Variants in HIBADH observed in about 807,000 individuals in gnomAD.
The protein encoded by HIBADH is 3-hydroxyisobutyrate dehydrogenase, also known as 3-hydroxyisobutyrate dehydrogenase, mitochondrial.
HIBADH carries 25 observed loss-of-function variants against 36.1 expected under a neutral mutation model. The observed-to-expected ratio is 0.69, with a 90% CI of 0.50 to 0.97. The LOEUF is 0.97. HIBADH is among the 50% of genes least tolerant of loss of function. HIBADH has a pLI of 0.00. For missense variants in HIBADH, 421 were observed against 418.0 expected, an observed-to-expected ratio of 1.01 and a Z score of -0.06; for synonymous variants, 160 against 149.5, an observed-to-expected ratio of 1.07 and a Z score of -0.51.
intron 4 of HIBADH, among the ~76,000 whole-genome samples, chr7:27,575,865 C>T (rs1010856142): frequency 4.6e-5 from 7 of 152,238 alleles, no homozygotes; most frequent in Non-Finnish European, 8.8e-5. Context: ...AGCCTGAAGA[C>T]AGCCATCTGC....
At chr7:27,538,861 C>G (rs1784106670) in intron 5 of HIBADH, among the ~76,000 whole-genome samples, 1 of 151,904 alleles carries the variant, frequency 6.6e-6, no homozygotes, top group African/African-American at 2.4e-5. Flanking sequence ...GGAAGTGGAA[C>G]CTGAAATCAT....
At chr7:27,542,217 A>C (rs903417692) in intron 5 of HIBADH, among the ~76,000 whole-genome samples, 8 of 150,452 alleles carry the variant, frequency 5.3e-5, no homozygotes, top group African/African-American at 2.0e-4. Flanking sequence ...ACAAATCTTC[A>C]AAAAAATTTT....
chr7:27,548,315 G>A (rs1481333936), intron 4 of HIBADH, among the ~76,000 whole-genome samples: 1 of 151,880 alleles, frequency 6.6e-6, no homozygotes, highest in Non-Finnish European at 1.5e-5. Flanking sequence ...TTCTTCAGTG[G>A]TCCTCAACCC....
At chr7:27,606,353 TC>T (rs1215751198) in intron 4 of HIBADH, among the ~76,000 whole-genome samples, 1 of 152,186 alleles carries the variant, frequency 6.6e-6, no homozygotes, top group Admixed American at 6.5e-5. Flanking sequence ...ACAGATCCCT[TC>T]CTGGGAAAAA....
intron 2 of HIBADH, among the ~76,000 whole-genome samples, chr7:27,635,801 C>A (rs1308012949): frequency 6.6e-6 from 1 of 152,194 alleles, no homozygotes; most frequent in East Asian, 1.9e-4. Context: ...CCAGACAGAT[C>A]TCCTGCTAAT....
chr7:27,623,426 T>C (rs1034421753), intron 4 of HIBADH, among the ~76,000 whole-genome samples: 2 of 152,044 alleles, frequency 1.3e-5, no homozygotes, highest in African/African-American at 4.8e-5. Context: ...GAGAAAGAAA[T>C]AAAAGTCATC....
intron 4 of HIBADH, among the ~76,000 whole-genome samples, chr7:27,594,627 C>T (rs1413316169): frequency 2.0e-5 from 3 of 152,172 alleles, no homozygotes; most frequent in Non-Finnish European, 4.4e-5. Flanking sequence ...AAATGATTTT[C>T]ATGTCTCTTT....
intron 1 of HIBADH, among the ~76,000 whole-genome samples, chr7:27,655,072 A>G (rs1786272980): frequency 6.6e-6 from 1 of 152,222 alleles, no homozygotes; most frequent in Admixed American, 6.5e-5. Context: ...AACTTATCAT[A>G]TATCACTATA....
At chr7:27,568,460 C>G (rs752935412) in intron 4 of HIBADH, among the ~76,000 whole-genome samples, 9 of 151,384 alleles carry the variant, frequency 5.9e-5, no homozygotes, top group Non-Finnish European at 1.2e-4. Context: ...CTTTAAATAG[C>G]CTTTTATTTT....
At chr7:27,610,148 T>C (rs1462101065) in intron 4 of HIBADH, among the ~76,000 whole-genome samples, 3 of 152,116 alleles carry the variant, frequency 2.0e-5, no homozygotes, top group African/African-American at 4.8e-5. Context: ...ATAATAGTAC[T>C]ATAACTCTTT....
At chr7:27,646,614 T>A (rs1395609073) in intron 2 of HIBADH, among the ~76,000 whole-genome samples, 1 of 148,186 alleles carries the variant, frequency 6.7e-6, no homozygotes, top group Non-Finnish European at 1.5e-5. Context: ...AGCCTCAACC[T>A]CCTAGGCTCA....
chr7:27,638,123 C>A (rs535937163), intron 2 of HIBADH, among the ~76,000 whole-genome samples: 40 of 151,912 alleles, frequency 2.6e-4, no homozygotes, highest in Non-Finnish European at 4.7e-4. Flanking sequence ...AGTCAAGGCA[C>A]TCCTAAGCAA....
intron 4 of HIBADH, among the ~76,000 whole-genome samples, chr7:27,551,237 T>G (rs979115251): frequency 1.1e-4 from 17 of 152,144 alleles, no homozygotes; most frequent in African/African-American, 4.1e-4. Flanking sequence ...GAGGACATTA[T>G]TATGAGGAGT....
At chr7:27,593,179 G>A (rs1032857612) in intron 4 of HIBADH, among the ~76,000 whole-genome samples, 22 of 152,084 alleles carry the variant, frequency 1.4e-4, no homozygotes, top group South Asian at 2.1e-4. Flanking sequence ...TCTGAAATCC[G>A]AAATGCTCCA....
At chr7:27,550,092 G>A (rs1391164922) in intron 4 of HIBADH, among the ~76,000 whole-genome samples, 1 of 152,030 alleles carries the variant, frequency 6.6e-6, no homozygotes, top group Non-Finnish European at 1.5e-5. Flanking sequence ...TGTATTTTTA[G>A]TAGAGATGGG....
intron 4 of HIBADH, among the ~76,000 whole-genome samples, chr7:27,569,974 C>T (rs142984324): frequency 8.9e-4 from 136 of 152,256 alleles, no homozygotes; most frequent in Non-Finnish European, 1.4e-3. Flanking sequence ...TCTCATAGAG[C>T]CTCTCTTCCT....
Position 27,597,504 on chromosome 7 carries a change from G to A in HIBADH, c.484+31867C>T, listed in dbSNP as rs866445283. 5.3e-5 allele frequency among the ~76,000 whole-genome samples: 8 copies of A among 151,128 alleles called. 1 individual carries two copies. In the Middle Eastern group the frequency reaches 0.01, roughly 197 times the overall value. Reference sequence around the variant, plus strand: ...CAATAATCCTGTATTTTCAGGCTTAGAATAATGTGCTGGGTACAGAGGCTA... The same window carrying A: ...CAATAATCCTGTATTTTCAGGCTTAAAATAATGTGCTGGGTACAGAGGCTA... On this transcript the variant is annotated intron_variant, in intron 4 of 7. Transcript: ENST00000265395.
intron 4 of HIBADH, among the ~76,000 whole-genome samples, chr7:27,579,958 T>C (rs1248343561): frequency 6.6e-6 from 1 of 152,102 alleles, no homozygotes; most frequent in Non-Finnish European, 1.5e-5. Flanking sequence ...CCATAGTACT[T>C]GCTCCCATAC....
chr7:27,605,582 C>T (rs1304940971), intron 4 of HIBADH, among the ~76,000 whole-genome samples: 8 of 6,992 alleles, frequency 1.1e-3, no homozygotes, highest in Non-Finnish European at 2.0e-3. Context: ...AGTGTTTAGA[C>T]AAGCAAAAAA....
Sources: allele counts gnomAD v4.1 joint callset (sites outside exome capture counted in the v4.1 genomes callset), GRCh38; gene constraint gnomAD v4.1.1; transcripts MANE v1.5; gene names NCBI Gene and HGNC (gene_info 2026-07-23, HGNC 2026-07-21).